Variants in ANXA1 observed in about 807,000 individuals in gnomAD.
ANXA1 encodes the protein annexin I (lipocortin I).
Under a neutral mutation model 47.9 loss-of-function variants are expected in ANXA1, and 39 were observed. The observed-to-expected ratio is 0.81, with a 90% CI of 0.63 to 1.06. The LOEUF (loss-of-function observed/expected upper bound fraction) is 1.06, where lower values mean the gene tolerates loss of function less well. Among genes scored for constraint, ANXA1 ranks in the 50% least tolerant of loss-of-function variants. The pLI is 0.00. For synonymous variants in ANXA1, 146 were observed against 142.5 expected, an observed-to-expected ratio of 1.02 and a Z score of -0.17; for missense variants, 446 against 422.7, an observed-to-expected ratio of 1.06 and a Z score of -0.48.
chr9:73,163,198 A>AC (rs1324903116), intron 7 of ANXA1, among the ~76,000 whole-genome samples: 8 of 152,156 alleles, frequency 5.3e-5, no homozygotes, highest in Non-Finnish European at 1.2e-4. Flanking sequence ...ATTCCCAGTG[A>AC]CGGCATTAAT....
At position 73,160,393 on chromosome 9, in the gene ANXA1, G is replaced by C. The variant is rs1246223887; in HGVS notation, c.384+17G>C. On this transcript the variant is annotated intron_variant, in intron 5 of 12. Transcript: ENST00000257497. ...GCCATGAAGGTAAATCGCCCAATTT[G>C]AGCAAACTCCTTTCCTCAAGAGGAT... The C allele has an allele frequency of 3.9e-6, 6 of 1,527,634 alleles. No individual in the cohort carries two copies. Among genetic ancestry groups the C allele is most frequent in the Non-Finnish European group, 5.3e-6 (6 of 1,137,426 alleles). The allele number at this position is 1,527,634 out of a possible 1,614,324, so 94.6% of individuals were successfully genotyped here.
chr9:73,163,334 C>A (rs1824175230), intron 7 of ANXA1, 142 bp from the exon 8 acceptor site: 1 of 754,870 alleles, frequency 1.3e-6, no homozygotes, highest in African/African-American at 1.8e-5. Flanking sequence ...CAAGTAAAAT[C>A]TTGTATCTGA....
intron 11 of ANXA1, 169 bp from the exon 12 acceptor site, chr9:73,168,863 C>T: frequency 3.8e-6 from 2 of 529,610 alleles, no homozygotes; most frequent in Non-Finnish European, 6.2e-6. Context: ...ATTTTCATTT[C>T]ATTACCATTC....
intron 10 of ANXA1, 85 bp downstream of exon 10, chr9:73,166,277 C>T: frequency 1.1e-6 from 1 of 946,900 alleles, no homozygotes; most frequent in Non-Finnish European, 1.6e-6. Flanking sequence ...ACAACAGCAA[C>T]AAAACCAATA....
At chr9:73,165,533 A>G (rs1824213544) in intron 9 of ANXA1, 1 of 117,188 alleles carries the variant, frequency 8.5e-6, no homozygotes. Context: ...GAAGAAAAAC[A>G]AAAAAAAAAA....
chr9:73,165,244 T>C (rs774783129), intron 9 of ANXA1, 35 bp downstream of exon 9: 2 of 1,550,062 alleles, frequency 1.3e-6, no homozygotes, highest in South Asian at 2.3e-5. Flanking sequence ...AATCTGTTTA[T>C]GGAAGATGCA....
intron 1 of ANXA1, chr9:73,154,378 CT>C (rs1490936082): frequency 1.5e-6 from 2 of 1,362,418 alleles, no homozygotes; most frequent in Non-Finnish European, 2.0e-6. Flanking sequence ...ATGTCATTTT[CT>C]TTTTGGTCAC....
intron 12 of ANXA1, among the ~76,000 whole-genome samples, 197 bp downstream of exon 12, chr9:73,169,351 T>C (rs1824286702): frequency 6.6e-6 from 1 of 152,174 alleles, no homozygotes. Context: ...AAATACTGGG[T>C]ACATTTTTCA....
Position 73,165,204 on chromosome 9 carries a change from G to A in ANXA1, c.701G>A (p.Arg234His), listed in dbSNP as rs141725650. The change falls in exon 9 of 13, where the codon CGC becomes CAC. Residue 234 changes from arginine to histidine, a missense_variant. By Grantham distance (29) the Arg-to-His change is conservative. Coordinates refer to ENST00000257497, the MANE Select transcript of ANXA1 (RefSeq NM_000700.3). ...ILTTRSYPQL[R>H]RVFQKYTKYS... is the part of the protein sequence containing the mutation. ...ACCACCAGAAGCTATCCACAACTTCGCAGAGGTAACAATAAATTTCTTTTT... is the reference window on the plus strand; with the variant it reads ...ACCACCAGAAGCTATCCACAACTTCACAGAGGTAACAATAAATTTCTTTTT... 56 of 1,611,602 alleles carry A rather than the reference G, an allele frequency of 3.5e-5. No homozygotes were observed. The highest frequency in any genetic ancestry group is 1.6e-4 in the Middle Eastern group (1 of 6,070).
At chr9:73,162,437 T>C (rs1484452545) in intron 6 of ANXA1, among the ~76,000 whole-genome samples, 1 of 152,162 alleles carries the variant, frequency 6.6e-6, no homozygotes, top group East Asian at 1.9e-4. Flanking sequence ...AAACAATTAT[T>C]TTATTCATTC....
chr9:73,158,568 C>T lies in ANXA1; in HGVS notation c.33C>T (p.Ala11=). 1 of 1,613,586 alleles carries T rather than the reference C, an allele frequency of 6.2e-7. No homozygotes were observed. Among genetic ancestry groups the T allele is most frequent in the Middle Eastern group, 1.7e-4 (1 of 6,056 alleles). Reference sequence around the variant, plus strand: ...TGGTATCAGAATTCCTCAAGCAGGCCTGGTTTATTGAAAATGAAGAGCAGG... The same window carrying T: ...TGGTATCAGAATTCCTCAAGCAGGCTTGGTTTATTGAAAATGAAGAGCAGG... The part of the protein sequence containing the change: MAMVSEFLKQ[A]WFIENEEQEY... Residue 11 remains alanine, a synonymous_variant, in exon 2 of 13, where the codon GCC becomes GCT. Coordinates refer to ENST00000257497, the MANE Select transcript of ANXA1 (RefSeq NM_000700.3).
chr9:73,154,467 G>A (rs1199548678), intron 1 of ANXA1: 4 of 854,226 alleles, frequency 4.7e-6, no homozygotes, highest in Non-Finnish European at 5.0e-6. Flanking sequence ...ACAGAGTCTT[G>A]TTATGTCGCC....
At chr9:73,154,455 C>T (rs1337662359) in intron 1 of ANXA1, 23 of 984,814 alleles carry the variant, frequency 2.3e-5, no homozygotes, top group East Asian at 6.0e-5. Flanking sequence ...TCTTTCTTCC[C>T]GACAGAGTCT....
chr9:73,169,917 A>G (rs1824294707), intron 12 of ANXA1, 134 bp from the exon 13 acceptor site: 3 of 513,922 alleles, frequency 5.8e-6, no homozygotes, highest in African/African-American at 3.9e-5. Flanking sequence ...TGTTGTATAT[A>G]TTGTTTAATT....
intron 1 of ANXA1, among the ~76,000 whole-genome samples, chr9:73,153,304 C>T (rs900110379): frequency 3.9e-5 from 6 of 152,172 alleles, no homozygotes; most frequent in Admixed American, 1.3e-4. Context: ...TATTAATTTA[C>T]GACATTTCAA....
intron 1 of ANXA1, among the ~76,000 whole-genome samples, chr9:73,155,569 T>G (rs140138726): frequency 1.3e-5 from 2 of 152,324 alleles, no homozygotes; most frequent in East Asian, 3.9e-4. Context: ...TTTGAGCCCT[T>G]AACCAGCTGT....
At position 73,162,796 on chromosome 9, in the gene ANXA1, CT is replaced by C; in HGVS notation, c.491del (p.Leu164ArgfsTer5). 6.2e-7 allele frequency: 1 copy of C among 1,612,638 alleles called. No individual in the cohort carries two copies. The highest frequency in any genetic ancestry group is 8.5e-7 in the Non-Finnish European group (1 of 1,179,156). ...TTTTTTCTCAGAACTGAAGAGAGAT[CT>C]GGCCAAAGACATAACCTCAGACACA... is the stretch of plus-strand genomic sequence containing the variant. Reference protein sequence around the residue: ...RVYREELKRDLAKDITSDTSG... With the variant: ...RVYREELKRDXAKDITSDTSG... On this transcript the variant is annotated frameshift_variant, in exon 7 of 13. Transcript: ENST00000257497. LOFTEE classifies it high-confidence loss of function.
Position 73,160,836 on chromosome 9 carries a change from A to G in ANXA1, c.418A>G (p.Ile140Val). The G allele has an allele frequency of 6.2e-7, 1 of 1,612,992 alleles. No homozygotes were observed. Among genetic ancestry groups the G allele is most frequent in the Non-Finnish European group, 8.5e-7 (1 of 1,179,206 alleles). Reference sequence around the variant, plus strand: ...AACTGATGAAGATACTCTAATTGAGATTTTGGCATCAAGAACTAACAAAGA... The same window carrying G: ...AACTGATGAAGATACTCTAATTGAGGTTTTGGCATCAAGAACTAACAAAGA... ...LGTDEDTLIE[I>V]LASRTNKEIR... Residue 140 changes from isoleucine to valine, a missense_variant, in exon 6 of 13, where the codon ATT (isoleucine) becomes GTT (valine). By Grantham distance (29) the Ile-to-Val change is conservative (BLOSUM62 3). Coordinates refer to ENST00000257497, the MANE Select transcript of ANXA1 (RefSeq NM_000700.3).
At chr9:73,157,801 C>T (rs1308457475) in intron 1 of ANXA1, 2 of 152,018 alleles carry the variant, frequency 1.3e-5, no homozygotes, top group African/African-American at 2.4e-5. Context: ...TAGCCATTCT[C>T]CATGATAAAG....
Sources: gnomAD v4.1 joint callset for allele counts (sites outside exome capture counted in the v4.1 genomes callset) on GRCh38, gnomAD v4.1.1 for gene constraint, MANE v1.5 for transcripts, NCBI Gene and HGNC (gene_info 2026-07-23, HGNC 2026-07-21) for gene names.